The following ZNF236 variants were observed in gnomAD, a reference collection of about 807,000 sequenced individuals.
ZNF236 encodes the protein regulated by glucose.
ZNF236 carries 50 observed loss-of-function variants against 191.2 expected under a neutral mutation model. That is an observed-to-expected ratio of 0.26 (90% CI 0.21 to 0.33). The LOEUF is 0.33. ZNF236 is among the 10% of genes least tolerant of loss of function. ZNF236 has a pLI of 1.00. For synonymous variants in ZNF236, 907 were observed against 928.8 expected, an observed-to-expected ratio of 0.98 and a Z score of 0.43; for missense variants, 1,754 against 2,374.5, an observed-to-expected ratio of 0.74 and a Z score of 5.43.
At chr18:76,847,613 C>A (rs889888231) in intron 1 of ZNF236, among the ~76,000 whole-genome samples, 1 of 152,050 alleles carries the variant, frequency 6.6e-6, no homozygotes, top group South Asian at 2.1e-4. Flanking sequence ...CTACAGGCGC[C>A]CACCACCACG....
At chr18:76,953,986 T>C (rs17060143) in intron 27 of ZNF236, among the ~76,000 whole-genome samples, 3,734 of 152,284 alleles carry the variant, frequency 0.025, 164 homozygotes, top group African/African-American at 0.084. Flanking sequence ...GGGAAGCACA[T>C]TATTTCTAGC....
At chr18:76,922,762 G>A (rs1225058795) in intron 20 of ZNF236, among the ~76,000 whole-genome samples, 1 of 151,962 alleles carries the variant, frequency 6.6e-6, no homozygotes, top group Non-Finnish European at 1.5e-5. Flanking sequence ...TTACCATGTT[G>A]GCCAGTCTGG....
rs1017164609 is a variant in ZNF236, at chr18:76,910,150, A to G, written c.2634A>G (p.Glu878=). 1.2e-6 allele frequency: 2 copies of G among 1,612,848 alleles called. No homozygotes were observed. The highest frequency in any genetic ancestry group is 1.7e-6 in the Non-Finnish European group (2 of 1,179,006). The change falls in exon 15 of 31, where the codon GAA becomes GAG. Residue 878 remains glutamate (E), a synonymous_variant. Transcript: ENST00000320610. The part of the protein sequence containing the change: ...EEQSPAQQSF[E]PAGLPQGFTV... ...AGAGCCCTGCGCAACAGTCCTTCGA[A>G]CCAGCAGGGCTACCCCAAGGTCAGT...
In ZNF236 at chr18:76,847,181, C is replaced by T. The variant is rs978266250; in HGVS notation, c.56-2345C>T. ...CAGTTAATTCCTTCTCATTTTTGGG[C>T]AACATATTAAGTAGTTTCAACATAG... is the stretch of plus-strand genomic sequence containing the variant. On this transcript the variant is annotated intron_variant, in intron 1 of 30. Transcript: ENST00000320610. 7.9e-5 allele frequency among the ~76,000 whole-genome samples: 12 copies of T among 152,104 alleles called. 1 individual carries two copies. Among genetic ancestry groups the T allele is most frequent in the Non-Finnish European group, 1.5e-5 (1 of 68,022 alleles).
At chr18:76,835,092 A>G (rs1382352016) in intron 1 of ZNF236, among the ~76,000 whole-genome samples, 5 of 150,084 alleles carry the variant, frequency 3.3e-5, no homozygotes, top group African/African-American at 1.2e-4. Context: ...TGGCAATTCT[A>G]CAGTTTTAAC....
chr18:76,868,769 G>A lies in ZNF236; in HGVS notation c.448G>A (p.Ala150Thr). The change falls in exon 4 of 31, where the codon GCT becomes ACT. Residue 150 changes from alanine (A) to threonine (T), a missense_variant. Ala to Thr is a moderately conservative substitution (Grantham distance 58). This residue lies in a region of ZNF236 where 336 missense variants were observed against 495.1 expected (regional missense o/e 0.68). Transcript: ENST00000320610. ...CATGGAGGAGCACCGCCAGGAGCTG[G>A]CTGGAACCCGGCAGCATGCCTGCAA... Reference protein sequence around the residue: ...VHMEEHRQELAGTRQHACKAC... With the variant: ...VHMEEHRQELTGTRQHACKAC... 6.2e-7 allele frequency: 1 copy of A among 1,613,906 alleles called. No homozygotes were observed. The highest frequency in any genetic ancestry group is 1.3e-5 in the African/African-American group (1 of 75,070).
intron 9 of ZNF236, among the ~76,000 whole-genome samples, chr18:76,891,464 C>A (rs1977231213): frequency 1.3e-5 from 2 of 152,166 alleles, no homozygotes; most frequent in Admixed American, 6.5e-5. Flanking sequence ...CCTCGACCTC[C>A]CAGGCTCAAG....
intron 30 of ZNF236, among the ~76,000 whole-genome samples, chr18:76,963,070 C>A (rs1323846038): frequency 6.6e-6 from 1 of 152,076 alleles, no homozygotes; most frequent in African/African-American, 2.4e-5. Flanking sequence ...TCTTGATTTT[C>A]TTCTCTTTTC....
chr18:76,966,586 C>T (rs539179982), intron 30 of ZNF236, among the ~76,000 whole-genome samples: 1 of 152,254 alleles, frequency 6.6e-6, no homozygotes, highest in Non-Finnish European at 1.5e-5. Context: ...CCTTTTCCTG[C>T]AGCATGCAGT....
chr18:76,935,982 T>G, intron 25 of ZNF236: 1 of 457,110 alleles, frequency 2.2e-6, no homozygotes. Flanking sequence ...TTTTGAAGGT[T>G]CCAGGTCTGT....
intron 6 of ZNF236, among the ~76,000 whole-genome samples, 173 bp from the exon 7 acceptor site, chr18:76,877,836 G>GT (rs1267138063): frequency 6.6e-6 from 1 of 152,186 alleles, no homozygotes. Context: ...TGTTTAAAGA[G>GT]TAGGGTCATT....
chr18:76,895,658 G>C (rs967395439), intron 10 of ZNF236, among the ~76,000 whole-genome samples: 1 of 151,798 alleles, frequency 6.6e-6, no homozygotes, highest in African/African-American at 2.4e-5. Context: ...CTGCACACAA[G>C]TACTGCCCAC....
At chr18:76,962,124 T>G (rs117776646) in intron 30 of ZNF236, among the ~76,000 whole-genome samples, 2,396 of 152,254 alleles carry the variant, frequency 0.016, 29 homozygotes, top group Middle Eastern at 0.02. Context: ...TTTGTGCTCT[T>G]GGTCCTCGCC....
chr18:76,959,006 ACATTGCACATCCT>A, intron 28 of ZNF236, among the ~76,000 whole-genome samples: 1 of 152,360 alleles, frequency 6.6e-6, no homozygotes, highest in East Asian at 1.9e-4. Flanking sequence ...GAAAATAACC[ACATTGCACATCCT>A]CAGGTGCCTG....
In ZNF236 at chr18:76,868,510, A is replaced by G. The variant is rs540983023; in HGVS notation, c.364-175A>G. On this transcript the variant is annotated intron_variant, in intron 3 of 30. Transcript: ENST00000320610. Reference sequence around the variant, plus strand: ...AAATGATTTTTGTATATTCAAATACATTTTTGAGAGGTGAAAGTGATGCTT... The same window carrying G: ...AAATGATTTTTGTATATTCAAATACGTTTTTGAGAGGTGAAAGTGATGCTT... 3.3e-5 allele frequency among the ~76,000 whole-genome samples: 5 copies of G among 152,350 alleles called. No homozygotes were observed. The East Asian group carries it at 9.6e-4, about 29-fold the overall frequency.
chr18:76,825,743 A>G (rs1974996295), intron 1 of ZNF236, among the ~76,000 whole-genome samples: 1 of 152,146 alleles, frequency 6.6e-6, no homozygotes, highest in Admixed American at 6.6e-5. Flanking sequence ...GATATAACTT[A>G]CATAAACTAG....
intron 11 of ZNF236, among the ~76,000 whole-genome samples, chr18:76,900,724 AAGAC>A (rs1303784562): frequency 6.6e-6 from 1 of 152,254 alleles, no homozygotes; most frequent in African/African-American, 2.4e-5. Context: ...ATTAGAAAAT[AAGAC>A]AGATTGAAAA....
At chr18:76,933,620 G>A (rs756659776) in intron 25 of ZNF236, among the ~76,000 whole-genome samples, 6 of 151,436 alleles carry the variant, frequency 4.0e-5, no homozygotes, top group Non-Finnish European at 4.4e-5. Context: ...AAAGATGAAC[G>A]CATAATTAAA....
intron 1 of ZNF236, among the ~76,000 whole-genome samples, chr18:76,845,780 T>G (rs887251222): frequency 6.7e-6 from 1 of 149,958 alleles, no homozygotes; most frequent in African/African-American, 2.5e-5. Flanking sequence ...ACCCGGGAGG[T>G]GAAGGTTGCA....
Sources: gnomAD v4.1 joint callset for allele counts (sites outside exome capture counted in the v4.1 genomes callset) on GRCh38, gnomAD v4.1.1 for gene constraint, gnomAD v4.1.1 regional missense constraint, MANE v1.5 for transcripts, NCBI Gene and HGNC (gene_info 2026-07-23, HGNC 2026-07-21) for gene names.